PTPN4: variants seen among roughly 807,000 people sequenced by gnomAD.
PTPN4 encodes tyrosine-protein phosphatase non-receptor type 4.
In PTPN4, 49 loss-of-function variants were observed where a neutral mutation model predicts 135.5. The observed-to-expected ratio is 0.36, with a 90% CI of 0.29 to 0.46. PTPN4 has a LOEUF of 0.46. Among genes scored for constraint, PTPN4 ranks in the 20% least tolerant of loss-of-function variants. The pLI, the probability that PTPN4 is intolerant of heterozygous loss-of-function variation, is 1.00. For synonymous variants in PTPN4, 333 were observed against 369.9 expected, an observed-to-expected ratio of 0.90 and a Z score of 1.14; for missense variants, 860 against 1,101.0, an observed-to-expected ratio of 0.78 and a Z score of 3.10.
At chr2:119,779,715 G>A (rs564378988) in intron 1 of PTPN4, among the ~76,000 whole-genome samples, 1 of 151,666 alleles carries the variant, frequency 6.6e-6, no homozygotes, top group African/African-American at 2.4e-5. Context: ...GTATGCATTT[G>A]TTAAGTATAA....
rs192967756 is a variant in PTPN4, at chr2:119,861,387, T to C, written c.139-1149T>C. Among the ~76,000 whole-genome samples, 477 of 152,346 alleles carry C rather than the reference T, an allele frequency of 3.1e-3. 2 individuals carry two copies. Among genetic ancestry groups the C allele is most frequent in the African/African-American group, 0.011 (451 of 41,584 alleles). Reference sequence around the variant, plus strand: ...GACCAAATTTTCAACACATGAATTCTAGGGGACAAACTCAAACCATTGCAC... The same window carrying C: ...GACCAAATTTTCAACACATGAATTCCAGGGGACAAACTCAAACCATTGCAC... On this transcript the variant is annotated intron_variant, in intron 2 of 26. Coordinates refer to ENST00000263708, the MANE Select transcript of PTPN4 (RefSeq NM_002830.4).
chr2:119,952,051 C>A lies in PTPN4; in HGVS notation c.1735C>A (p.His579Asn). 1 of 1,613,432 alleles carries A rather than the reference C, an allele frequency of 6.2e-7. No individual in the cohort carries two copies. The highest frequency in any genetic ancestry group is 1.1e-5 in the South Asian group (1 of 91,062). ...INGRDIAEHTHDQVVLFIKAS... is the reference protein window; with the variant it reads ...INGRDIAEHTNDQVVLFIKAS... ...TGGTCGGGACATTGCAGAACACACT[C>A]ATGATCAGGTTGTGCTGTTTATTAA... The change falls in exon 19 of 27, where the codon CAT becomes AAT. Residue 579 changes from histidine to asparagine, a missense_variant. Physicochemically the swap from His to Asn is moderately conservative, Grantham distance 68 (BLOSUM62 1). Coordinates refer to ENST00000263708, the MANE Select transcript of PTPN4 (RefSeq NM_002830.4).
At chr2:119,800,513 A>T in intron 1 of PTPN4, among the ~76,000 whole-genome samples, 1 of 124,818 alleles carries the variant, frequency 8.0e-6, no homozygotes. Flanking sequence ...TTGTCAGATA[A>T]ATGTTTTGCA....
chr2:119,891,315 TTTTG>T lies in PTPN4; in HGVS notation c.675+5453_675+5456del, dbSNP rs750013304. On this transcript the variant is annotated intron_variant, in intron 9 of 26. Coordinates refer to ENST00000263708, the MANE Select transcript of PTPN4 (RefSeq NM_002830.4). Reference sequence around the variant, plus strand: ...TTCAGTGAATTCTACAGTTTCAGTTTTTTGTTTGTTTGTTTGTTTGTTTTTGAGA... The same window carrying T: ...TTCAGTGAATTCTACAGTTTCAGTTTTTTGTTTGTTTGTTTGTTTTTGAGA... Among the ~76,000 whole-genome samples the T allele has an allele frequency of 2.2e-4, 34 of 152,242 alleles. No homozygotes were observed. The South Asian group carries it at 2.5e-3, about 11-fold the overall frequency.
intron 9 of PTPN4, among the ~76,000 whole-genome samples, chr2:119,893,441 C>T (rs1443281375): frequency 6.6e-6 from 1 of 152,016 alleles, no homozygotes; most frequent in Non-Finnish European, 1.5e-5. Context: ...TTTGAAGAGA[C>T]GTAAATCCTC....
intron 5 of PTPN4, among the ~76,000 whole-genome samples, chr2:119,879,083 A>G (rs1461231052): frequency 1.4e-5 from 2 of 142,042 alleles, no homozygotes; most frequent in African/African-American, 5.4e-5. Flanking sequence ...ACAGAGTGAG[A>G]CTCCGTCTGA....
intron 2 of PTPN4, among the ~76,000 whole-genome samples, chr2:119,855,634 G>GAGACGTAAT (rs1359395024): frequency 6.6e-6 from 1 of 152,160 alleles, no homozygotes; most frequent in Non-Finnish European, 1.5e-5. Context: ...GGAAAAATCA[G>GAGACGTAAT]AGACGTAATA....
intron 10 of PTPN4, among the ~76,000 whole-genome samples, chr2:119,911,751 A>C (rs2105022819): frequency 6.6e-6 from 1 of 152,286 alleles, no homozygotes; most frequent in East Asian, 1.9e-4. Flanking sequence ...AGATTGGCTG[A>C]AAATAAAGAG....
At chr2:119,765,332 T>G (rs1252001203) in intron 1 of PTPN4, among the ~76,000 whole-genome samples, 1 of 152,234 alleles carries the variant, frequency 6.6e-6, no homozygotes, top group African/African-American at 2.4e-5. Context: ...ATAACTGATT[T>G]AGACATTTAC....
At chr2:119,924,242 T>C (rs1678782482) in intron 12 of PTPN4, among the ~76,000 whole-genome samples, 1 of 151,910 alleles carries the variant, frequency 6.6e-6, no homozygotes. Flanking sequence ...AAGGTTTTCT[T>C]CATCTTTTTT....
At chr2:119,797,131 T>TC (rs1460069109) in intron 1 of PTPN4, among the ~76,000 whole-genome samples, 3 of 152,206 alleles carry the variant, frequency 2.0e-5, no homozygotes, top group African/African-American at 7.2e-5. Context: ...GCAAATTTTT[T>TC]CCCAGCCTCT....
intron 1 of PTPN4, among the ~76,000 whole-genome samples, chr2:119,775,477 T>C (rs903878349): frequency 6.6e-6 from 1 of 152,178 alleles, no homozygotes; most frequent in African/African-American, 2.4e-5. Flanking sequence ...TTTAACCTTA[T>C]GTTGAAGTGG....
At position 119,949,686 on chromosome 2, in the gene PTPN4, T is replaced by A. The variant is rs1009764325; in HGVS notation, c.1657-2287T>A. The stretch of plus-strand genomic sequence containing the variant: ...TGAAGCTTTGTTTCTACAAAAAAAA[T>A]TTTTAAATTCACCAGATATGGTGGC... On this transcript the variant is annotated intron_variant, in intron 18 of 26. Coordinates refer to ENST00000263708, the MANE Select transcript of PTPN4 (RefSeq NM_002830.4). 1.2e-4 allele frequency among the ~76,000 whole-genome samples: 18 copies of A among 152,002 alleles called. 1 individual carries two copies. Among genetic ancestry groups the A allele is most frequent in the Non-Finnish European group, 2.1e-4 (14 of 68,004 alleles).
intron 10 of PTPN4, among the ~76,000 whole-genome samples, chr2:119,901,262 C>T (rs1678399522): frequency 6.6e-6 from 1 of 152,150 alleles, no homozygotes; most frequent in East Asian, 1.9e-4. Flanking sequence ...ACCACTAAGA[C>T]CTAATTACAG....
intron 1 of PTPN4, among the ~76,000 whole-genome samples, chr2:119,809,390 TC>T (rs1258766967): frequency 1.3e-5 from 2 of 151,888 alleles, no homozygotes; most frequent in Non-Finnish European, 2.9e-5. Flanking sequence ...CTTCTTGGTT[TC>T]CCCAACACCT....
chr2:119,810,473 T>G (rs911107757), intron 2 of PTPN4, among the ~76,000 whole-genome samples: 2 of 152,232 alleles, frequency 1.3e-5, no homozygotes, highest in Non-Finnish European at 2.9e-5. Flanking sequence ...TTGTGAGTTT[T>G]ACCCATGTGG....
At chr2:119,928,160 C>T (rs1274859783) in intron 13 of PTPN4, among the ~76,000 whole-genome samples, 2 of 152,062 alleles carry the variant, frequency 1.3e-5, no homozygotes, top group Non-Finnish European at 1.5e-5. Flanking sequence ...TCTAGCATAT[C>T]GTGCACATTT....
intron 2 of PTPN4, among the ~76,000 whole-genome samples, chr2:119,825,695 C>T (rs1394415399): frequency 1.3e-5 from 2 of 151,988 alleles, no homozygotes; most frequent in African/African-American, 4.8e-5. Context: ...AGGGTTTCAC[C>T]ATGTTGGGCA....
chr2:119,882,573 T>C lies in PTPN4; in HGVS notation c.537T>C (p.Asn179=), dbSNP rs1360925198. 2.6e-6 allele frequency: 4 copies of C among 1,563,582 alleles called. No homozygotes were observed. In the Admixed American group the frequency reaches 7.2e-5, roughly 28 times the overall value. The change falls in exon 8 of 27, where the codon AAT becomes AAC. Residue 179 remains asparagine (N), a synonymous_variant. Coordinates refer to ENST00000263708, the MANE Select transcript of PTPN4 (RefSeq NM_002830.4). ...GYLSDYSFIP[N]QPQDFEKEIA... ...TCTCAGATTATTCTTTCATTCCTAATCAACCTCAAGATTTTGAAAAAGAAA... is the reference window on the plus strand; with the variant it reads ...TCTCAGATTATTCTTTCATTCCTAACCAACCTCAAGATTTTGAAAAAGAAA...
Sources: gnomAD v4.1 joint callset for allele counts (sites outside exome capture counted in the v4.1 genomes callset) on GRCh38, gnomAD v4.1.1 for gene constraint, MANE v1.5 for transcripts, NCBI Gene and HGNC (gene_info 2026-07-23, HGNC 2026-07-21) for gene names.